KCNH8: variants seen among roughly 807,000 people sequenced by gnomAD.
KCNH8 encodes the protein potassium voltage-gated channel subfamily H member 8.
In KCNH8, 70 loss-of-function variants were observed where a neutral mutation model predicts 103.6. That is an observed-to-expected ratio of 0.68 (90% CI 0.56 to 0.82). The LOEUF is 0.82. KCNH8 is among the 40% of genes least tolerant of loss of function. The pLI is 0.00. For synonymous variants in KCNH8, 498 were observed against 489.4 expected (o/e 1.02, Z -0.23); for missense variants, 1,217 against 1,329.9 (o/e 0.92, Z 1.32).
intron 11 of KCNH8, among the ~76,000 whole-genome samples, chr3:19,485,706 C>T (rs1252396721): frequency 1.3e-5 from 2 of 152,134 alleles, no homozygotes; most frequent in African/African-American, 2.4e-5. Flanking sequence ...GGGCTGCTAC[C>T]GATGCCCAGT....
chr3:19,493,157 A>C (rs2068363478), intron 11 of KCNH8, among the ~76,000 whole-genome samples: 1 of 152,144 alleles, frequency 6.6e-6, no homozygotes, highest in Admixed American at 6.5e-5. Flanking sequence ...GATATACAAT[A>C]ATATCACAAA....
intron 1 of KCNH8, among the ~76,000 whole-genome samples, chr3:19,152,162 A>T (rs2063137076): frequency 6.6e-6 from 1 of 152,054 alleles, no homozygotes; most frequent in Non-Finnish European, 1.5e-5. Flanking sequence ...TTTAAAACAT[A>T]TTTGCTGTAA....
intron 1 of KCNH8, among the ~76,000 whole-genome samples, chr3:19,202,419 A>G (rs1274518061): frequency 6.6e-6 from 1 of 152,144 alleles, no homozygotes; most frequent in Non-Finnish European, 1.5e-5. Context: ...CTGATAGTCA[A>G]TGACCAGCCT....
intron 7 of KCNH8, among the ~76,000 whole-genome samples, chr3:19,427,073 T>C (rs1178640720): frequency 6.6e-6 from 1 of 152,108 alleles, no homozygotes; most frequent in Admixed American, 6.5e-5. Context: ...TAAAAATTAA[T>C]GCAAAAGGGG....
At chr3:19,354,620 A>G (rs1412309423) in intron 5 of KCNH8, among the ~76,000 whole-genome samples, 1 of 152,222 alleles carries the variant, frequency 6.6e-6, no homozygotes, top group Non-Finnish European at 1.5e-5. Context: ...GAGAAAAACA[A>G]GCAATGGGGA....
rs548801023 is a variant in KCNH8 at position 19,373,564 on chromosome 3, T to C, written c.812-16917T>C. On this transcript the variant is annotated intron_variant, in intron 5 of 15. Coordinates refer to ENST00000328405, the MANE Select transcript of KCNH8 (RefSeq NM_144633.3). ...GTTGATCCTTTCAAAAACCAGCTCC[T>C]GGATTCATTAATTTTTTGAAGGGTT... Among the ~76,000 whole-genome samples, 51 of 152,318 alleles carry C rather than the reference T, an allele frequency of 3.3e-4. 2 individuals carry two copies. In the South Asian group the frequency reaches 8.7e-3, roughly 26 times the overall value.
intron 1 of KCNH8, among the ~76,000 whole-genome samples, chr3:19,207,608 A>G (rs1276392701): frequency 6.6e-6 from 1 of 152,026 alleles, no homozygotes; most frequent in African/African-American, 2.4e-5. Flanking sequence ...CTGTTAATAT[A>G]TATCAAGTCT....
chr3:19,472,206 G>C (rs1392390557), intron 11 of KCNH8, among the ~76,000 whole-genome samples: 1 of 36,262 alleles, frequency 2.8e-5, no homozygotes, highest in East Asian at 6.4e-4. Flanking sequence ...GTGTGTGTGT[G>C]TGTGTGTGTG....
At chr3:19,258,947 C>CTCTATATATA (rs1321918245) in intron 2 of KCNH8, among the ~76,000 whole-genome samples, 17 of 24,802 alleles carry the variant, frequency 6.9e-4, no homozygotes, top group Non-Finnish European at 8.8e-4. Flanking sequence ...CTCTCTCTCT[C>CTCTATATATA]TATATATATA....
intron 15 of KCNH8, among the ~76,000 whole-genome samples, chr3:19,518,830 C>T (rs1327870999): frequency 1.3e-5 from 2 of 151,808 alleles, no homozygotes; most frequent in African/African-American, 2.4e-5. Context: ...GAAATAAATA[C>T]AAAAATAAGA....
intron 3 of KCNH8, among the ~76,000 whole-genome samples, chr3:19,308,084 A>G (rs2065153037): frequency 6.6e-6 from 1 of 151,898 alleles, no homozygotes; most frequent in Non-Finnish European, 1.5e-5. Flanking sequence ...TAAATGTGTA[A>G]GATGATGATT....
At chr3:19,377,213 A>G (rs931357071) in intron 5 of KCNH8, among the ~76,000 whole-genome samples, 1 of 152,222 alleles carries the variant, frequency 6.6e-6, no homozygotes, top group Non-Finnish European at 1.5e-5. Flanking sequence ...TGGCAAGGAG[A>G]CAAATGAAAA....
intron 11 of KCNH8, among the ~76,000 whole-genome samples, chr3:19,486,499 T>C (rs1031744451): frequency 5.3e-5 from 8 of 152,216 alleles, no homozygotes; most frequent in African/African-American, 1.7e-4. Flanking sequence ...GTGGCCGGCC[T>C]TTGGAAACCC....
chr3:19,334,419 G>A (rs890549827), intron 3 of KCNH8, among the ~76,000 whole-genome samples: 2 of 151,984 alleles, frequency 1.3e-5, no homozygotes, highest in African/African-American at 4.8e-5. Context: ...CTCCAGCCTG[G>A]GCCATACAGC....
intron 1 of KCNH8, among the ~76,000 whole-genome samples, chr3:19,232,071 T>A (rs1193245319): frequency 6.6e-6 from 1 of 152,232 alleles, no homozygotes; most frequent in Non-Finnish European, 1.5e-5. Context: ...CTGCTGTATC[T>A]TGATTGGAAT....
At chr3:19,178,235 C>G (rs989931763) in intron 1 of KCNH8, among the ~76,000 whole-genome samples, 1 of 151,626 alleles carries the variant, frequency 6.6e-6, no homozygotes, top group African/African-American at 2.4e-5. Flanking sequence ...TTTTATTGCT[C>G]TATCTTTGGA....
At chr3:19,486,876 G>T (rs184196011) in intron 11 of KCNH8, among the ~76,000 whole-genome samples, 1 of 152,300 alleles carries the variant, frequency 6.6e-6, no homozygotes, top group East Asian at 1.9e-4. Flanking sequence ...CCTGACTCCA[G>T]GCTGCGCTCC....
intron 8 of KCNH8, among the ~76,000 whole-genome samples, chr3:19,440,179 T>C (rs2067260885): frequency 6.6e-6 from 1 of 152,184 alleles, no homozygotes; most frequent in Admixed American, 6.5e-5. Context: ...TTTCACTATA[T>C]AGCATTTTAC....
intron 5 of KCNH8, among the ~76,000 whole-genome samples, chr3:19,352,911 C>T (rs1291622909): frequency 6.6e-6 from 1 of 150,482 alleles, no homozygotes; most frequent in East Asian, 1.9e-4. Context: ...GATAGAGACA[C>T]AAAAAAACCT....
Sources: allele counts gnomAD v4.1 joint callset (sites outside exome capture counted in the v4.1 genomes callset), GRCh38; gene constraint gnomAD v4.1.1; transcripts MANE v1.5; gene names NCBI Gene and HGNC (gene_info 2026-07-23, HGNC 2026-07-21).